The following CDC25B variants were observed in gnomAD, a reference collection of about 807,000 sequenced individuals.
CDC25B encodes the protein M-phase inducer phosphatase 2.
Under a neutral mutation model 69.8 loss-of-function variants are expected in CDC25B, and 33 were observed. The observed-to-expected ratio is 0.47, with a 90% CI of 0.36 to 0.63. The LOEUF (loss-of-function observed/expected upper bound fraction) is 0.63, where lower values mean the gene tolerates loss of function less well. Ranked by LOEUF, CDC25B falls within the 30% of genes least tolerant of loss-of-function variation. CDC25B has a pLI of 0.00. For missense variants in CDC25B, 727 were observed against 809.1 expected, an observed-to-expected ratio of 0.90 and a Z score of 1.23; for synonymous variants, 341 against 314.6, an observed-to-expected ratio of 1.08 and a Z score of -0.89.
intron 2 of CDC25B, 71 bp from the exon 3 acceptor site, chr20:3,798,341 A>AAT: frequency 2.3e-6 from 1 of 425,616 alleles, no homozygotes; most frequent in Non-Finnish European, 3.9e-6. Flanking sequence ...TTTTTTTCAT[A>AAT]TTGGGACATG....
rs1016316618 is a variant in CDC25B at position 3,805,930 on chromosome 20, T to C, written c.*969T>C. 2 of 402,910 alleles carry C rather than the reference T, an allele frequency of 5.0e-6. No individual in the cohort carries two copies. Among genetic ancestry groups the C allele is most frequent in the African/African-American group, 4.1e-5 (2 of 48,772 alleles). 25.0% of individuals were successfully genotyped at this position (402,910 alleles called of 1,614,324 possible). A position where few individuals can be genotyped will look rare whatever the true frequency, so the allele number is the denominator to read the frequency against. On this transcript the variant is annotated 3_prime_UTR_variant, in exon 16 of 16. Coordinates refer to ENST00000245960, the MANE Select transcript of CDC25B (RefSeq NM_021873.4). Reference sequence around the variant, plus strand: ...AGGAATATATGTGTGCCTATTTGTGTGGACAAAAATATTTACACTTAGGGT... The same window carrying C: ...AGGAATATATGTGTGCCTATTTGTGCGGACAAAAATATTTACACTTAGGGT...
rs1411931565 is a variant in CDC25B at position 3,796,743 on chromosome 20, C to G, written c.200+12C>G. On this transcript the variant is annotated intron_variant, in intron 1 of 15. Transcript: ENST00000245960. ...GCCGGGCTCGGCAGGTAGGACACCC[C>G]AAGGAGGCTGCATATGGGGGTGAGA... 11 of 1,557,726 alleles carry G rather than the reference C, an allele frequency of 7.1e-6. No individual in the cohort carries two copies. In the East Asian group the frequency reaches 2.7e-4, roughly 38 times the overall value.
At chr20:3,798,391 C>T (rs1276153629) in intron 2 of CDC25B, 21 bp from the exon 3 acceptor site, 1 of 1,441,026 alleles carries the variant, frequency 6.9e-7, no homozygotes, top group African/African-American at 1.5e-5. Flanking sequence ...ACTTTCAAAC[C>T]AAGGTGCTCT....
chr20:3,802,822 T>G, intron 11 of CDC25B, 88 bp from the exon 12 acceptor site: 4 of 1,124,360 alleles, frequency 3.6e-6, no homozygotes, highest in Non-Finnish European at 5.4e-6. Flanking sequence ...TGGCCTCTGA[T>G]TTTGGGAATG....
chr20:3,797,336 C>G lies in CDC25B; in HGVS notation c.201-286C>G, dbSNP rs79210602. 6.7e-3 allele frequency among the ~76,000 whole-genome samples: 1,021 copies of G among 152,296 alleles called. 7 individuals are homozygous for G. The highest frequency in any genetic ancestry group is 0.02 in the African/African-American group (824 of 41,562). On this transcript the variant is annotated intron_variant, in intron 1 of 15. Coordinates refer to ENST00000245960, the MANE Select transcript of CDC25B (RefSeq NM_021873.4). ...GGGGCGGCTCTGCTAGACCACCAAC[C>G]CTTAGGCTGGCCTCCAGCCAGGCAG...
upstream of CDC25B, chr20:3,796,274 CGAA>C: frequency 7.6e-7 from 1 of 1,311,370 alleles, no homozygotes; most frequent in Non-Finnish European, 9.7e-7. Flanking sequence ...TGTTATTTTT[CGAA>C]TATATAAGGA....
In CDC25B at chr20:3,805,258, G is replaced by C. The variant is rs1191891915; in HGVS notation, c.*297G>C. 5 of 437,042 alleles carry C rather than the reference G, an allele frequency of 1.1e-5. No individual in the cohort carries two copies. Among genetic ancestry groups the C allele is most frequent in the Middle Eastern group, 6.3e-4 (1 of 1,580 alleles). The allele number at this position is 437,042 out of a possible 1,614,324, so 27.1% of individuals were successfully genotyped here. On this transcript the variant is annotated 3_prime_UTR_variant, in exon 16 of 16. Transcript: ENST00000245960. ...CCAGGAGCTTCTTGTTTCCTTGTTA[G>C]GGTTAACCCTTCATCTTCCTGTGTC...
At position 3,803,324 on chromosome 20, in the gene CDC25B, AAG is replaced by A. The variant is rs2146701435; in HGVS notation, c.1357-76_1357-75del. On this transcript the variant is annotated intron_variant, in intron 13 of 15. Coordinates refer to ENST00000245960, the MANE Select transcript of CDC25B (RefSeq NM_021873.4). The surrounding 1 kb of genome is among the most constrained non-coding windows in gnomAD (Gnocchi z 4.9). ...CCCTCTCATGGGGAGGGTTCCTACT[AAG>A]AGAAGGACAGCGACTGCACGGGGAG... 6.3e-7 allele frequency: 1 copy of A among 1,595,474 alleles called. No individual in the cohort carries two copies. Among genetic ancestry groups the A allele is most frequent in the East Asian group, 2.2e-5 (1 of 44,680 alleles).
In CDC25B at chr20:3,801,302, GCCCTAGGTCGCTTCTCTCTGA is replaced by G. The variant is rs757428047; in HGVS notation, c.758_778del (p.Leu253_Thr259del). 1.9e-6 allele frequency: 3 copies of G among 1,614,180 alleles called. No individual in the cohort carries two copies. The highest frequency in any genetic ancestry group is 1.7e-6 in the Non-Finnish European group (2 of 1,180,022). On this transcript the variant is annotated inframe_deletion, in exon 8 of 16. Transcript: ENST00000245960. ...GGAAGTGGAGGAGCTCAGCCCCCTG[GCCCTAGGTCGCTTCTCTCTGA>G]CCCCTGCAGAGGGGGATACTGAGGA...
chr20:3,791,770 G>C (rs938105052), upstream of CDC25B, among the ~76,000 whole-genome samples: 1 of 152,048 alleles, frequency 6.6e-6, no homozygotes, highest in Admixed American at 6.6e-5. Flanking sequence ...GACACATAAG[G>C]GCATACTTAC....
chr20:3,798,801 C>T (rs1600392548), intron 3 of CDC25B, among the ~76,000 whole-genome samples: 1 of 152,202 alleles, frequency 6.6e-6, no homozygotes, highest in East Asian at 1.9e-4. Context: ...CTTGCCTATA[C>T]CCATTTTTTT....
Position 3,797,703 on chromosome 20 carries a change from A to G in CDC25B, c.282A>G (p.Ala94=), listed in dbSNP as rs1210705025. ...RLTHLSLSRR[A]SESSLSSESS... ...CGCACCTATCCCTGTCTCGACGGGC[A>G]TCCGAATCCTCCCTGTCGTCTGAAT... Residue 94 remains alanine (A), a synonymous_variant, in exon 2 of 16, where the codon GCA becomes GCG. Transcript: ENST00000245960. The G allele has an allele frequency of 1.2e-6, 2 of 1,613,998 alleles. No homozygotes were observed. The highest frequency in any genetic ancestry group is 2.7e-5 in the African/African-American group (2 of 74,922).
intron 3 of CDC25B, 24 bp downstream of exon 3, chr20:3,798,487 C>T (rs1208028305): frequency 3.2e-6 from 5 of 1,562,010 alleles, no homozygotes; most frequent in Non-Finnish European, 4.4e-6. Flanking sequence ...GGAATGTGTA[C>T]TTCCAAGCAT....
In CDC25B at chr20:3,805,303, G is replaced by T. The variant is rs550715170; in HGVS notation, c.*342G>T. 9.4e-5 allele frequency: 32 copies of T among 339,638 alleles called. No individual in the cohort carries two copies. Among genetic ancestry groups the T allele is most frequent in the African/African-American group, 4.5e-4 (22 of 48,550 alleles). The allele number at this position is 339,638 out of a possible 1,614,324, so 21.0% of individuals were successfully genotyped here. On this transcript the variant is annotated 3_prime_UTR_variant, in exon 16 of 16. Coordinates refer to ENST00000245960, the MANE Select transcript of CDC25B (RefSeq NM_021873.4). ...TGTGTCCTGAAACGCTCCTTTGTGT[G>T]TGTGTCAGCTGAGGCTGGGGGAGAG...
rs375745615 is a variant in CDC25B at position 3,802,982 on chromosome 20, G to C, written c.1257+10G>C. ...CATCTCACCAGAAACGGTAAACAGC[G>C]TTGCGTCATTTTCTAGGCAGATTTG... is the stretch of plus-strand genomic sequence containing the variant. On this transcript the variant is annotated intron_variant, in intron 12 of 15. Coordinates refer to ENST00000245960, the MANE Select transcript of CDC25B (RefSeq NM_021873.4). The C allele has an allele frequency of 1.2e-6, 2 of 1,612,916 alleles. No homozygotes were observed. Among genetic ancestry groups the C allele is most frequent in the Non-Finnish European group, 1.7e-6 (2 of 1,178,934 alleles).
chr20:3,796,657 C>T lies in CDC25B; in HGVS notation c.126C>T (p.Ser42=). The part of the protein sequence containing the change: ...LLLGSHGLLG[S]PVRAAASSPV... ...TGGGATCTCATGGCCTCCTGGGGTCCCCGGTGCGGGCGGCCGCTTCCTCGC... is the reference window on the plus strand; with the variant it reads ...TGGGATCTCATGGCCTCCTGGGGTCTCCGGTGCGGGCGGCCGCTTCCTCGC... The change falls in exon 1 of 16, where the codon TCC becomes TCT. Residue 42 remains serine (S), a synonymous_variant. Coordinates refer to ENST00000245960, the MANE Select transcript of CDC25B (RefSeq NM_021873.4). The T allele has an allele frequency of 6.7e-7, 1 of 1,499,744 alleles. No homozygotes were observed. Among genetic ancestry groups the T allele is most frequent in the Non-Finnish European group, 8.8e-7 (1 of 1,133,424 alleles). 92.9% of individuals were successfully genotyped at this position (1,499,744 alleles called of 1,614,324 possible).
At chr20:3,796,800 A>G (rs1884605529) in intron 1 of CDC25B, 69 bp downstream of exon 1, 3 of 1,494,650 alleles carry the variant, frequency 2.0e-6, no homozygotes, top group East Asian at 2.7e-5. Context: ...CCTCCTGGAG[A>G]ACTGGGCATG....
At chr20:3,797,472 C>T (rs548883578) in intron 1 of CDC25B, 150 bp from the exon 2 acceptor site, 151 of 1,017,712 alleles carry the variant, frequency 1.5e-4, no homozygotes, top group Non-Finnish European at 2.0e-4. Flanking sequence ...CTTCCTTGAC[C>T]TGAGAAGAGG....
chr20:3,788,910 G>T, intron 1 of CDC25B, among the ~76,000 whole-genome samples: 1 of 135,502 alleles, frequency 7.4e-6, no homozygotes, highest in African/African-American at 2.8e-5. Flanking sequence ...TTCCTTTCCT[G>T]TGGCCCCTCC....
Sources: gnomAD v4.1 joint callset for allele counts (sites outside exome capture counted in the v4.1 genomes callset) on GRCh38, gnomAD v4.1.1 for gene constraint, Gnocchi (gnomAD v3.1) non-coding constraint, MANE v1.5 for transcripts, NCBI Gene and HGNC (gene_info 2026-07-23, HGNC 2026-07-21) for gene names.